The following DNMBP variants were observed in gnomAD, a reference collection of about 807,000 sequenced individuals.
DNMBP encodes dynamin binding protein.
DNMBP carries 87 observed loss-of-function variants against 150.0 expected under a neutral mutation model. The observed-to-expected ratio is 0.58, with a 90% CI of 0.49 to 0.69. DNMBP has a LOEUF of 0.69. Ranked by LOEUF, DNMBP falls within the 30% of genes least tolerant of loss-of-function variation. DNMBP has a pLI of 0.00. For missense variants in DNMBP, 1,774 were observed against 1,949.0 expected (o/e 0.91, Z 1.69); for synonymous variants, 711 against 750.4 (o/e 0.95, Z 0.86).
chr10:99,930,205 T>C (rs1370726763), intron 4 of DNMBP: 2 of 702,742 alleles, frequency 2.8e-6, no homozygotes, highest in Non-Finnish European at 2.6e-6. Flanking sequence ...TCCTCAAGAT[T>C]ATGGTTAACA....
At chr10:99,985,453 G>T (rs2040819037) in intron 1 of DNMBP, among the ~76,000 whole-genome samples, 2 of 152,182 alleles carry the variant, frequency 1.3e-5, no homozygotes, top group Admixed American at 1.3e-4. Flanking sequence ...TTTGAGTCAG[G>T]GTCTCGCTCA....
chr10:99,991,803 G>A (rs2133378010), intron 1 of DNMBP, among the ~76,000 whole-genome samples: 1 of 151,712 alleles, frequency 6.6e-6, no homozygotes, highest in East Asian at 2.0e-4. Flanking sequence ...CTACTCGGGA[G>A]GCTGAGGCAG....
intron 4 of DNMBP, among the ~76,000 whole-genome samples, chr10:99,947,072 T>C (rs1339759489): frequency 2.6e-5 from 4 of 152,112 alleles, no homozygotes; most frequent in African/African-American, 9.7e-5. Context: ...ATAACAGATA[T>C]GTTGGCATGG....
chr10:99,882,855 T>A (rs1312092544), intron 15 of DNMBP, among the ~76,000 whole-genome samples: 1 of 151,968 alleles, frequency 6.6e-6, no homozygotes, highest in Non-Finnish European at 1.5e-5. Flanking sequence ...CACCTGAGGT[T>A]AGGAGTTGGA....
intron 1 of DNMBP, among the ~76,000 whole-genome samples, chr10:99,998,218 A>T (rs2040971714): frequency 6.9e-6 from 1 of 145,506 alleles, no homozygotes; most frequent in Non-Finnish European, 1.5e-5. Flanking sequence ...CTGGTGACAG[A>T]GCAAGACTCC....
chr10:99,909,041 A>G lies in DNMBP; in HGVS notation c.2366T>C (p.Ile789Thr), dbSNP rs543282251. The part of the protein sequence containing the change: ...QRMLEKRAKV[I>T]EELLQTERDY... ...TCTTTCTGTCTGAAGAAGTTCTTCT[A>G]TGACCTTGGCTCTCTTCTCCAGCAT... is the stretch of plus-strand genomic sequence containing the variant. The change falls in exon 5 of 17, where the codon ATA becomes ACA. Residue 789 changes from isoleucine (I) to threonine (T), a missense_variant. Coordinates refer to ENST00000324109, the MANE Select transcript of DNMBP (RefSeq NM_015221.4). The G allele has an allele frequency of 1.4e-5, 23 of 1,614,164 alleles. No individual in the cohort carries two copies. Among genetic ancestry groups the G allele is most frequent in the Admixed American group, 3.3e-5 (2 of 60,018 alleles).
chr10:99,972,058 G>C lies in DNMBP; in HGVS notation c.67C>G (p.Leu23Val). 1 of 1,613,934 alleles carries C rather than the reference G, an allele frequency of 6.2e-7. No homozygotes were observed. Among genetic ancestry groups the C allele is most frequent in the Non-Finnish European group, 8.5e-7 (1 of 1,179,996 alleles). The change falls in exon 2 of 17, where the codon CTC becomes GTC. Residue 23 changes from leucine (L) to valine (V), a missense_variant. By Grantham distance (32) the Leu-to-Val change is conservative. Transcript: ENST00000324109. ...ACCTCAATAATATCTCCCACAAAGAGCGGCAGTTCTTCTGATACGCTAGGG... is the reference window on the plus strand; with the variant it reads ...ACCTCAATAATATCTCCCACAAAGACCGGCAGTTCTTCTGATACGCTAGGG... ...FCPSVSEELPLFVGDIIEVLA... is the reference protein window; with the variant it reads ...FCPSVSEELPVFVGDIIEVLA...
intron 4 of DNMBP, among the ~76,000 whole-genome samples, chr10:99,917,188 C>T (rs2039973809): frequency 6.6e-6 from 1 of 152,104 alleles, no homozygotes; most frequent in South Asian, 2.1e-4. Context: ...GAAAACCCGT[C>T]TCCACTAAAA....
At chr10:99,994,554 G>A (rs2040931367) in intron 1 of DNMBP, among the ~76,000 whole-genome samples, 1 of 152,122 alleles carries the variant, frequency 6.6e-6, no homozygotes, top group Admixed American at 6.6e-5. Flanking sequence ...TGGTCACCAG[G>A]ACAACGCAAT....
At position 99,998,209 on chromosome 10, in the gene DNMBP, T is replaced by TG. The variant is rs2040971635; in HGVS notation, c.-11+11628dup. Among the ~76,000 whole-genome samples, 5 of 143,646 alleles carry TG rather than the reference T, an allele frequency of 3.5e-5. No homozygotes were observed. In the South Asian group the frequency reaches 1.1e-3, roughly 32 times the overall value. 94.2% of individuals were successfully genotyped at this position (143,646 alleles called of 152,430 possible). ...GTGATCGCGCCACTGTACTCCAGCC[T>TG]GGTGACAGAGCAAGACTCCGTCTCA... is the stretch of plus-strand genomic sequence containing the variant. On this transcript the variant is annotated intron_variant, in intron 1 of 16. Coordinates refer to ENST00000324109, the MANE Select transcript of DNMBP (RefSeq NM_015221.4).
chr10:99,950,883 G>A (rs1232797959), intron 4 of DNMBP, among the ~76,000 whole-genome samples: 3 of 152,232 alleles, frequency 2.0e-5, no homozygotes, highest in Admixed American at 1.3e-4. Context: ...ACCAGCTGCA[G>A]AAATTTGCGT....
At chr10:99,964,138 T>G (rs1381140618) in intron 3 of DNMBP, among the ~76,000 whole-genome samples, 1 of 136,434 alleles carries the variant, frequency 7.3e-6, no homozygotes, top group Non-Finnish European at 1.6e-5. Flanking sequence ...TCTCTCTCTT[T>G]TTTTTTTTTT....
chr10:99,930,373 C>T (rs1184886313), intron 4 of DNMBP: 1 of 702,954 alleles, frequency 1.4e-6, no homozygotes, highest in South Asian at 1.5e-5. Context: ...CCGTATCCAC[C>T]AGCTTTCGAG....
At chr10:100,004,859 C>G (rs1564761398) in intron 1 of DNMBP, among the ~76,000 whole-genome samples, 2 of 152,152 alleles carry the variant, frequency 1.3e-5, no homozygotes, top group Non-Finnish European at 2.9e-5. Flanking sequence ...GAGAAGACAT[C>G]TGCAAAGTCT....
rs1554871063 is a variant in DNMBP at position 99,964,885 on chromosome 10, A to AAAT, written c.268+4229_268+4230insATT. On this transcript the variant is annotated intron_variant, in intron 3 of 16. Coordinates refer to ENST00000324109, the MANE Select transcript of DNMBP (RefSeq NM_015221.4). ...GACTCCAGCCCAAGGAAAAAAAAAA[A>AAAT]ATATATATATATATATATATTTTAA... 5.1e-5 allele frequency among the ~76,000 whole-genome samples: 7 copies of AAAT among 135,968 alleles called. No individual in the cohort carries two copies. The South Asian group carries it at 1.4e-3, about 28-fold the overall frequency. 89.2% of individuals were successfully genotyped at this position (135,968 alleles called of 152,430 possible).
chr10:99,923,842 T>C (rs1564733490), intron 4 of DNMBP, among the ~76,000 whole-genome samples: 1 of 152,178 alleles, frequency 6.6e-6, no homozygotes, highest in South Asian at 2.1e-4. Context: ...TACAGTCTTT[T>C]CTAATAGCTC....
At chr10:99,901,924 G>A (rs953810065) in intron 6 of DNMBP, among the ~76,000 whole-genome samples, 5 of 151,394 alleles carry the variant, frequency 3.3e-5, no homozygotes, top group Admixed American at 6.6e-5. Flanking sequence ...CTTTTTTTAA[G>A]ACAGGGTCTC....
chr10:99,899,978 T>G lies in DNMBP; in HGVS notation c.2643A>C (p.Glu881Asp), dbSNP rs748564161. 28 of 1,614,120 alleles carry G rather than the reference T, an allele frequency of 1.7e-5. No homozygotes were observed. Among genetic ancestry groups the G allele is most frequent in the Admixed American group, 6.7e-5 (4 of 60,016 alleles). The change falls in exon 7 of 17, where the codon GAA becomes GAC. Residue 881 changes from glutamate to aspartate, a missense_variant. By Grantham distance (45) the Glu-to-Asp change is conservative. Coordinates refer to ENST00000324109, the MANE Select transcript of DNMBP (RefSeq NM_015221.4). ...GGATCTTCTCATCCTTCTCGTAGAT[T>G]TCAAGCAGCGCAATGGCCTCATCAT... The part of the protein sequence containing the change: ...QNHDEAIALL[E>D]IYEKDEKIQK...
intron 4 of DNMBP, among the ~76,000 whole-genome samples, chr10:99,916,198 C>T (rs571087929): frequency 2.0e-5 from 3 of 152,366 alleles, no homozygotes; most frequent in Admixed American, 2.0e-4. Flanking sequence ...CACAGTGGCT[C>T]ATGCCTGTAA....
Sources: allele counts gnomAD v4.1 joint callset (sites outside exome capture counted in the v4.1 genomes callset), GRCh38; gene constraint gnomAD v4.1.1; transcripts MANE v1.5; gene names NCBI Gene and HGNC (gene_info 2026-07-23, HGNC 2026-07-21).